LRRC18: variants seen among roughly 807,000 people sequenced by gnomAD.
The protein encoded by LRRC18 is leucine-rich repeat-containing protein 18.
Under a neutral mutation model 11.2 loss-of-function variants are expected in LRRC18, and 12 were observed. The ratio of observed to expected loss-of-function variants is 1.07; its 90% CI spans 0.69 to 1.74. The LOEUF is 1.74. Among genes scored for constraint, LRRC18 ranks in the 40% most tolerant of loss-of-function variants. The pLI, the probability that LRRC18 is intolerant of heterozygous loss-of-function variation, is 0.00. For missense variants in LRRC18, 374 were observed against 330.5 expected, an observed-to-expected ratio of 1.13 and a Z score of -1.02; for synonymous variants, 155 against 130.6, an observed-to-expected ratio of 1.19 and a Z score of -1.27.
the LRRC18 span, among the ~76,000 whole-genome samples, chr10:48,926,927 C>T: frequency 3.7e-4 from 56 of 152,308 alleles, no homozygotes; most frequent in African/African-American, 1.2e-3. Context: ...GCAGTGTGAA[C>T]GCCTTGCCAC....
rs571067045 is a variant in LRRC18, at chr10:48,910,879, C to T, written c.765-621G>A. Reference sequence around the variant, plus strand: ...GACGTGGACCAGCAAACCCTGGGCACCAGGTGGGCTCTGTAACCTCGATGT... The same window carrying T: ...GACGTGGACCAGCAAACCCTGGGCATCAGGTGGGCTCTGTAACCTCGATGT... On this transcript the variant is annotated intron_variant, in intron 1 of 1. Coordinates refer to ENST00000374160, the Ensembl canonical transcript of LRRC18. The T allele has an allele frequency of 1.5e-5, 15 of 984,194 alleles. No individual in the cohort carries two copies. The Admixed American group carries it at 3.7e-4, about 24-fold the overall frequency. The allele number at this position is 984,194 out of a possible 1,614,324, so 61.0% of individuals were successfully genotyped here. A position where few individuals can be genotyped will look rare whatever the true frequency, so the allele number is the denominator to read the frequency against.
the LRRC18 span, among the ~76,000 whole-genome samples, chr10:48,923,506 A>ATATATATATATATATATGTATGTATG: frequency 3.6e-4 from 42 of 115,074 alleles, 5 homozygotes; most frequent in South Asian, 2.7e-3. Flanking sequence ...GTATATATAT[A>ATATATATATATATATATGTATGTATG]TATATATGTC....
chr10:48,921,035 C>T, the LRRC18 span, among the ~76,000 whole-genome samples: 4 of 151,958 alleles, frequency 2.6e-5, no homozygotes, highest in South Asian at 2.1e-4. Flanking sequence ...ATACCATGTT[C>T]GTGAATTGGA....
the LRRC18 span, among the ~76,000 whole-genome samples, chr10:48,924,032 T>A: frequency 6.6e-6 from 1 of 152,288 alleles, no homozygotes; most frequent in Non-Finnish European, 1.5e-5. Flanking sequence ...TACAGAGAAC[T>A]CCTCCGTTAA....
At chr10:48,926,358 C>T in the LRRC18 span, among the ~76,000 whole-genome samples, 1 of 152,212 alleles carries the variant, frequency 6.6e-6, no homozygotes, top group Non-Finnish European at 1.5e-5. Flanking sequence ...ACACTTGCTC[C>T]AGCCCATTTT....
chr10:48,928,353 C>CGTGTGTGTGTGTGTGTGTGT, the LRRC18 span, among the ~76,000 whole-genome samples: 11 of 124,962 alleles, frequency 8.8e-5, no homozygotes, highest in Admixed American at 3.3e-4. Flanking sequence ...TTGGTTTTGA[C>CGTGTGTGTGTGTGTGTGTGT]GTGTGTGTGT....
chr10:48,922,185 G>A, the LRRC18 span, among the ~76,000 whole-genome samples: 2 of 152,308 alleles, frequency 1.3e-5, no homozygotes, highest in Admixed American at 6.5e-5. Flanking sequence ...CCAGAAATAA[G>A]AAATTCATAC....
rs1439107598 is a variant in LRRC18 at position 48,913,600 on chromosome 10, CCG to C, written c.554_555del (p.Ser185Ter). The C allele has an allele frequency of 6.2e-7, 1 of 1,613,992 alleles. No homozygotes were observed. ...CTCCTGATGGAGTCTATGAATATTT[CCG>C]ACTCACCTGGCTTTGGAAAGGGGTT... On this transcript the variant is annotated frameshift_variant, in exon 1 of 2. Transcript: ENST00000374160. LOFTEE classifies it high-confidence loss of function.
intron 1 of LRRC18, among the ~76,000 whole-genome samples, chr10:48,911,726 A>G (rs909588903): frequency 6.6e-6 from 1 of 152,252 alleles, no homozygotes; most frequent in Non-Finnish European, 1.5e-5. Flanking sequence ...CAGCTGACAT[A>G]CTGTAGAATG....
chr10:48,938,005 G>A, the LRRC18 span, among the ~76,000 whole-genome samples: 1 of 152,304 alleles, frequency 6.6e-6, no homozygotes, highest in East Asian at 1.9e-4. Context: ...TGGCCAAGCT[G>A]GACTATTTTT....
chr10:48,936,263 A>G, the LRRC18 span, among the ~76,000 whole-genome samples: 77 of 152,262 alleles, frequency 5.1e-4, no homozygotes, highest in African/African-American at 1.6e-3. Context: ...AAACATTACC[A>G]TATCATGTTT....
At chr10:48,919,884 G>C in the LRRC18 span, among the ~76,000 whole-genome samples, 1 of 152,030 alleles carries the variant, frequency 6.6e-6, no homozygotes, top group Non-Finnish European at 1.5e-5. Flanking sequence ...AAATAGAATA[G>C]AGAGTGATTC....
chr10:48,918,605 A>T (rs1374113673), upstream of LRRC18, among the ~76,000 whole-genome samples: 1 of 152,244 alleles, frequency 6.6e-6, no homozygotes, highest in African/African-American at 2.4e-5. Flanking sequence ...GGAAAAATGG[A>T]TAAATTTACC....
At chr10:48,910,185 G>T in exon 2 of LRRC18, 2 of 1,455,158 alleles carry the variant, frequency 1.4e-6, no homozygotes, top group South Asian at 1.1e-5. Context: ...CTCCTCTTCA[G>T]AGTCGTTTAT....
At chr10:48,930,790 C>CAA in the LRRC18 span, among the ~76,000 whole-genome samples, 4 of 150,904 alleles carry the variant, frequency 2.7e-5, no homozygotes, top group Non-Finnish European at 3.0e-5. Context: ...GAAACTAAAA[C>CAA]AAAAAAAAAT....
the LRRC18 span, among the ~76,000 whole-genome samples, chr10:48,926,803 G>C: frequency 2.0e-5 from 3 of 152,154 alleles, no homozygotes; most frequent in Admixed American, 2.0e-4. Flanking sequence ...ACAGTTTATG[G>C]GGCACACATA....
At chr10:48,913,592 G>A in exon 1 of LRRC18, 1 of 1,614,070 alleles carries the variant, frequency 6.2e-7, no homozygotes, top group Non-Finnish European at 8.5e-7. Flanking sequence ...TGGAGTCTAT[G>A]AATATTTCCG....
chr10:48,924,758 A>G, the LRRC18 span, among the ~76,000 whole-genome samples: 10 of 152,224 alleles, frequency 6.6e-5, no homozygotes, highest in African/African-American at 2.4e-4. Flanking sequence ...AGTAATGGCA[A>G]CCAATATATT....
upstream of LRRC18, among the ~76,000 whole-genome samples, chr10:48,917,955 G>A (rs1158932642): frequency 6.6e-6 from 1 of 152,158 alleles, no homozygotes; most frequent in Admixed American, 6.5e-5. Flanking sequence ...TACATAACGG[G>A]GAAGTGAGCA....
Sources: gnomAD v4.1 joint callset for allele counts (sites outside exome capture counted in the v4.1 genomes callset) on GRCh38, gnomAD v4.1.1 for gene constraint, MANE v1.5 for transcripts, NCBI Gene and HGNC (gene_info 2026-07-23, HGNC 2026-07-21) for gene names.